SPR: variants seen among roughly 807,000 people sequenced by gnomAD.
SPR encodes the protein sepiapterin reductase, also known as Sepiapterin reductase (L-erythro-7,8-dihydrobiopterin forming).
SPR carries 12 observed loss-of-function variants against 16.0 expected under a neutral mutation model. That is an observed-to-expected ratio of 0.75 (90% CI 0.48 to 1.22). SPR has a LOEUF of 1.22. Ranked by LOEUF, SPR falls within the 50% of genes most tolerant of loss-of-function variation. The pLI, the probability that SPR is intolerant of heterozygous loss-of-function variation, is 0.00. For synonymous variants in SPR, 177 were observed against 168.5 expected (o/e 1.05, Z -0.39); for missense variants, 324 against 344.4 (o/e 0.94, Z 0.47).
At chr2:72,887,946 G>A (rs895357274) in intron 1 of SPR, among the ~76,000 whole-genome samples, 2 of 152,220 alleles carry the variant, frequency 1.3e-5, no homozygotes, top group African/African-American at 4.8e-5. Flanking sequence ...TGGAAAATTG[G>A]CCAGCCGGGT....
intron 2 of SPR, among the ~76,000 whole-genome samples, chr2:72,888,957 C>T (rs1488113043): frequency 2.0e-5 from 3 of 152,190 alleles, no homozygotes; most frequent in Non-Finnish European, 2.9e-5. Flanking sequence ...GAATGAGATA[C>T]TGTATGTGAA....
At position 72,887,734 on chromosome 2, in the gene SPR, C is replaced by G; in HGVS notation, c.302C>G (p.Ala101Gly). 6.6e-7 allele frequency: 1 copy of G among 1,510,770 alleles called. No individual in the cohort carries two copies. Among genetic ancestry groups the G allele is most frequent in the East Asian group, 2.6e-5 (1 of 38,508 alleles). The allele number at this position is 1,510,770 out of a possible 1,614,324, so 93.6% of individuals were successfully genotyped here. A position where few individuals can be genotyped will look rare whatever the true frequency, so the allele number is the denominator to read the frequency against. ...CAGCGACTGCTGCTTATCAACAACG[C>G]GGGTAAGACCCCGGGGCTGGAGCGG... ...GLQRLLLINNAGSLGDVSKGF... is the reference protein window; with the variant it reads ...GLQRLLLINNGGSLGDVSKGF... The change falls in exon 1 of 3, where the codon GCG becomes GGG. Residue 101 changes from alanine to glycine, a missense_variant and splice_region_variant. By Grantham distance (60) the Ala-to-Gly change is moderately conservative. Coordinates refer to ENST00000234454, the MANE Select transcript of SPR (RefSeq NM_003124.5).
rs753543877 is a variant in SPR, at chr2:72,888,421, G to A, written c.412G>A (p.Val138Ile). The A allele has an allele frequency of 1.2e-6, 2 of 1,614,054 alleles. No individual in the cohort carries two copies. The highest frequency in any genetic ancestry group is 1.1e-5 in the South Asian group (1 of 91,056). The change falls in exon 2 of 3, where the codon GTC becomes ATC. Residue 138 changes from valine (V) to isoleucine (I), a missense_variant. Coordinates refer to ENST00000234454, the MANE Select transcript of SPR (RefSeq NM_003124.5). ...CTCCATGCTCTGCCTGACTTCCAGCGTCCTGAAGGCCTTCCCGGACAGTCC... is the reference window on the plus strand; with the variant it reads ...CTCCATGCTCTGCCTGACTTCCAGCATCCTGAAGGCCTTCCCGGACAGTCC... ...LTSMLCLTSS[V>I]LKAFPDSPGL...
At chr2:72,888,276 C>G (rs751616596) in intron 1 of SPR, 38 bp from the exon 2 acceptor site, 24 of 1,609,902 alleles carry the variant, frequency 1.5e-5, no homozygotes, top group Non-Finnish European at 2.0e-5. Flanking sequence ...AAGAAAGCCC[C>G]GCCTGCACTG....
rs1451394986 is a variant in SPR, at chr2:72,891,785, G to T, written c.*248G>T. 8.9e-6 allele frequency: 5 copies of T among 560,918 alleles called. No homozygotes were observed. Among genetic ancestry groups the T allele is most frequent in the Non-Finnish European group, 1.6e-5 (5 of 312,540 alleles). The allele number at this position is 560,918 out of a possible 1,614,324, so 34.7% of individuals were successfully genotyped here. ...TAGGAGAGAGGTTATGGGTATTGGT[G>T]TCTCTATCCCCAGGAATAGAACTTA... On this transcript the variant is annotated 3_prime_UTR_variant, in exon 3 of 3. Transcript: ENST00000234454.
At chr2:72,887,864 T>C (rs1670565023) in intron 1 of SPR, 128 bp downstream of exon 1, 2 of 1,064,316 alleles carry the variant, frequency 1.9e-6, no homozygotes, top group Non-Finnish European at 2.5e-6. Context: ...TTGTTCCAGC[T>C]TGAGTAGCAA....
chr2:72,888,463 G>A lies in SPR; in HGVS notation c.454G>A (p.Val152Met), dbSNP rs373408326. 1.2e-5 allele frequency: 20 copies of A among 1,613,912 alleles called. No homozygotes were observed. Among genetic ancestry groups the A allele is most frequent in the Admixed American group, 3.3e-5 (2 of 59,978 alleles). Residue 152 changes from valine (V) to methionine (M), a missense_variant, in exon 2 of 3, where the codon GTG (valine) becomes ATG (methionine). Val to Met is a conservative substitution (Grantham distance 21). Transcript: ENST00000234454. ...GGACAGTCCTGGCCTCAACAGAACC[G>A]TGGTTAACATCTCGTCCCTCTGTGC... ...FPDSPGLNRTVVNISSLCALQ... is the reference protein window; with the variant it reads ...FPDSPGLNRTMVNISSLCALQ...
chr2:72,888,301 G>T lies in SPR; in HGVS notation c.305-13G>T. 6.2e-7 allele frequency: 1 copy of T among 1,614,118 alleles called. No homozygotes were observed. Among genetic ancestry groups the T allele is most frequent in the Non-Finnish European group, 8.5e-7 (1 of 1,180,006 alleles). ...CGCCTGCACTGAGTTACTCCTAAGGGTTGGTTTTTCAGGCTCTCTTGGGGA... is the reference window on the plus strand; with the variant it reads ...CGCCTGCACTGAGTTACTCCTAAGGTTTGGTTTTTCAGGCTCTCTTGGGGA... On this transcript the variant is annotated splice_polypyrimidine_tract_variant and intron_variant, in intron 1 of 2. Coordinates refer to ENST00000234454, the MANE Select transcript of SPR (RefSeq NM_003124.5).
At chr2:72,887,819 G>A in intron 1 of SPR, 83 bp downstream of exon 1, 2 of 1,321,502 alleles carry the variant, frequency 1.5e-6, no homozygotes, top group Non-Finnish European at 2.0e-6. Context: ...TACTCCTAGG[G>A]GTCAGATAGG....
At position 72,887,685 on chromosome 2, in the gene SPR, G is replaced by C; in HGVS notation, c.253G>C (p.Glu85Gln). 1.3e-6 allele frequency: 2 copies of C among 1,499,098 alleles called. No homozygotes were observed. The highest frequency in any genetic ancestry group is 1.8e-6 in the Non-Finnish European group (2 of 1,130,990). 92.9% of individuals were successfully genotyped at this position (1,499,098 alleles called of 1,614,324 possible). ...GLQQLLGALR[E>Q]LPRPKGLQRL... ...GCAGCAGCTGCTCGGCGCCCTGCGC[G>C]AGCTCCCCCGGCCCAAGGGGCTGCA... The change falls in exon 1 of 3, where the codon GAG becomes CAG. Residue 85 changes from glutamate (E) to glutamine (Q), a missense_variant. Coordinates refer to ENST00000234454, the MANE Select transcript of SPR (RefSeq NM_003124.5).
chr2:72,891,671 C>CT lies in SPR; in HGVS notation c.*135dup. 9.4e-7 allele frequency: 1 copy of CT among 1,060,060 alleles called. No individual in the cohort carries two copies. The highest frequency in any genetic ancestry group is 1.4e-5 in the South Asian group (1 of 73,868). 65.7% of individuals were successfully genotyped at this position (1,060,060 alleles called of 1,614,324 possible). ...AAGCATTCATGCCTGCTGCCCTGCC[C>CT]TCAGGCACAGCCAGCTGTGAGCTCC... On this transcript the variant is annotated 3_prime_UTR_variant, in exon 3 of 3. Transcript: ENST00000234454.
chr2:72,887,631 C>A lies in SPR; in HGVS notation c.199C>A (p.Pro67Thr). ...ERSGLRVVRV[P>T]ADLGAEAGLQ... ...GTCTGGCCTGCGCGTGGTGCGGGTG[C>A]CCGCCGACCTGGGCGCCGAGGCCGG... The change falls in exon 1 of 3, where the codon CCC becomes ACC. Residue 67 changes from proline (P) to threonine (T), a missense_variant. Coordinates refer to ENST00000234454, the MANE Select transcript of SPR (RefSeq NM_003124.5). The A allele has an allele frequency of 7.0e-7, 1 of 1,436,964 alleles. No homozygotes were observed. The highest frequency in any genetic ancestry group is 9.1e-7 in the Non-Finnish European group (1 of 1,104,638). The allele number at this position is 1,436,964 out of a possible 1,614,324, so 89.0% of individuals were successfully genotyped here. A position where few individuals can be genotyped will look rare whatever the true frequency, so the allele number is the denominator to read the frequency against.
At chr2:72,890,948 G>A (rs531171676) in intron 2 of SPR, among the ~76,000 whole-genome samples, 2 of 152,208 alleles carry the variant, frequency 1.3e-5, no homozygotes, top group Non-Finnish European at 2.9e-5. Flanking sequence ...TTGTCGGGAT[G>A]TGTAGATGCT....
intron 1 of SPR, among the ~76,000 whole-genome samples, chr2:72,887,938 G>A (rs1670566553): frequency 6.6e-6 from 1 of 152,228 alleles, no homozygotes; most frequent in African/African-American, 2.4e-5. Flanking sequence ...CCACTTCCTG[G>A]AAAATTGGCC....
In SPR at chr2:72,891,496, G is replaced by A. The variant is rs369387459; in HGVS notation, c.745G>A (p.Glu249Lys). 6.1e-5 allele frequency: 98 copies of A among 1,614,088 alleles called. No individual in the cohort carries two copies. Among genetic ancestry groups the A allele is most frequent in the Non-Finnish European group, 7.5e-5 (88 of 1,180,058 alleles). Residue 249 changes from glutamate (E) to lysine (K), a missense_variant, in exon 3 of 3, where the codon GAG (glutamate) becomes AAG (lysine). Physicochemically the swap from Glu to Lys is moderately conservative, Grantham distance 56. Coordinates refer to ENST00000234454, the MANE Select transcript of SPR (RefSeq NM_003124.5). ...QKLLSLLEKDEFKSGAHVDFY... is the reference protein window; with the variant it reads ...QKLLSLLEKDKFKSGAHVDFY... Reference sequence around the variant, plus strand: ...ACTGCTGAGCTTACTGGAAAAGGACGAGTTCAAGTCTGGAGCCCACGTGGA... The same window carrying A: ...ACTGCTGAGCTTACTGGAAAAGGACAAGTTCAAGTCTGGAGCCCACGTGGA...
chr2:72,890,152 G>C (rs1332430816), intron 2 of SPR, among the ~76,000 whole-genome samples: 1 of 152,202 alleles, frequency 6.6e-6, no homozygotes, highest in Admixed American at 6.5e-5. Context: ...CAGATGGAAG[G>C]CATTCCTGAT....
Position 72,887,734 on chromosome 2 carries a change from CG to C in SPR, c.304+1del. The C allele has an allele frequency of 3.3e-6, 5 of 1,510,770 alleles. No homozygotes were observed. Among genetic ancestry groups the C allele is most frequent in the Non-Finnish European group, 4.4e-6 (5 of 1,136,200 alleles). The allele number at this position is 1,510,770 out of a possible 1,614,324, so 93.6% of individuals were successfully genotyped here. ...GLQRLLLINNAGSLGDVSKGF... is the reference protein window; with the variant it reads ...GLQRLLLINNXGSLGDVSKGF... ...CAGCGACTGCTGCTTATCAACAACG[CG>C]GGTAAGACCCCGGGGCTGGAGCGGA... On this transcript the variant is annotated frameshift_variant and splice_region_variant, in exon 1 of 3. Transcript: ENST00000234454. LOFTEE classifies it high-confidence loss of function.
chr2:72,891,246 C>T, intron 2 of SPR, 101 bp from the exon 3 acceptor site: 11 of 1,272,654 alleles, frequency 8.6e-6, no homozygotes, highest in Non-Finnish European at 1.2e-5. Context: ...TTTCCTCTGG[C>T]CAGACCTGAC....
chr2:72,887,540 G>A lies in SPR; in HGVS notation c.108G>A (p.Val36=). Residue 36 remains valine (V), a synonymous_variant, in exon 1 of 3, where the codon GTG becomes GTA. Coordinates refer to ENST00000234454, the MANE Select transcript of SPR (RefSeq NM_003124.5). The part of the protein sequence containing the change: ...LLASLLSPGS[V]LVLSARNDEA... ...CCTCGCTGCTGTCGCCCGGCTCCGTGCTTGTCCTTAGCGCCCGCAACGACG... is the reference window on the plus strand; with the variant it reads ...CCTCGCTGCTGTCGCCCGGCTCCGTACTTGTCCTTAGCGCCCGCAACGACG... 2.7e-6 allele frequency: 4 copies of A among 1,470,552 alleles called. No individual in the cohort carries two copies. The highest frequency in any genetic ancestry group is 3.6e-6 in the Non-Finnish European group (4 of 1,118,404). 91.1% of individuals were successfully genotyped at this position (1,470,552 alleles called of 1,614,324 possible). A position where few individuals can be genotyped will look rare whatever the true frequency, so the allele number is the denominator to read the frequency against.
Sources: gnomAD v4.1 joint callset for allele counts (sites outside exome capture counted in the v4.1 genomes callset) on GRCh38, gnomAD v4.1.1 for gene constraint, MANE v1.5 for transcripts, NCBI Gene and HGNC (gene_info 2026-07-23, HGNC 2026-07-21) for gene names.